The following ARHGEF5 variants were observed in gnomAD, a reference collection of about 807,000 sequenced individuals.
The protein encoded by ARHGEF5 is Rho guanine nucleotide exchange factor (GEF) 5.
In ARHGEF5, 11 loss-of-function variants were observed where a neutral mutation model predicts 104.0. The observed-to-expected ratio is 0.11, with a 90% CI of 0.07 to 0.18. The LOEUF is 0.18. Among genes scored for constraint, ARHGEF5 ranks in the 10% least tolerant of loss-of-function variants. The pLI is 1.00. For missense variants in ARHGEF5, 165 were observed against 1,335.4 expected (o/e 0.12, Z 13.66); for synonymous variants, 60 against 512.2 (o/e 0.12, Z 11.92).
Position 144,373,267 on chromosome 7 carries a change from A to G in ARHGEF5, c.4123A>G (p.Ile1375Val). The G allele has an allele frequency of 6.9e-7, 1 of 1,450,026 alleles. No individual in the cohort carries two copies. Among genetic ancestry groups the G allele is most frequent in the East Asian group, 2.4e-5 (1 of 42,180 alleles). The allele number at this position is 1,450,026 out of a possible 1,614,324, so 89.8% of individuals were successfully genotyped here. A position where few individuals can be genotyped will look rare whatever the true frequency, so the allele number is the denominator to read the frequency against. ...TEELIYLSQK[I>V]EFECKIFPLI... Reference sequence around the variant, plus strand: ...GGAACTAATCTACCTGAGCCAGAAGATTGAGTTTGAGTGCAAAGTGAGTCG... The same window carrying G: ...GGAACTAATCTACCTGAGCCAGAAGGTTGAGTTTGAGTGCAAAGTGAGTCG... The change falls in exon 10 of 15, where the codon ATT becomes GTT. Residue 1375 changes from isoleucine to valine, a missense_variant. By Grantham distance (29) the Ile-to-Val change is conservative. Coordinates refer to ENST00000056217, the MANE Select transcript of ARHGEF5 (RefSeq NM_005435.4).
Position 144,380,078 on chromosome 7 carries a change from G to A in ARHGEF5, c.*22G>A, listed in dbSNP as rs7806384. The A allele has an allele frequency of 6.9e-3, 11,189 of 1,613,502 alleles. 660 individuals carry two copies. The African/African-American group carries it at 0.13, about 18-fold the overall frequency. On this transcript the variant is annotated 3_prime_UTR_variant, in exon 15 of 15. Coordinates refer to ENST00000056217, the MANE Select transcript of ARHGEF5 (RefSeq NM_005435.4). ...CTAAGTCTTCTCTGAGAGGAGTTTC[G>A]TGAGCTGAAGAACAAGCTGCTCATG...
chr7:144,380,133 GAGGCCTTCTGTGGATGGAGAACT>G lies in ARHGEF5; in HGVS notation c.*87_*109del. The G allele has an allele frequency of 6.4e-7, 1 of 1,566,648 alleles. No individual in the cohort carries two copies. Among genetic ancestry groups the G allele is most frequent in the Non-Finnish European group, 8.7e-7 (1 of 1,145,768 alleles). ...GGGCTGGCCCCAGAACCCTGCAAGA[GAGGCCTTCTGTGGATGGAGAACT>G]AGGCCTTCTCAAAGCTCAAGGACAA... On this transcript the variant is annotated 3_prime_UTR_variant, in exon 15 of 15. Transcript: ENST00000056217.
intron 1 of ARHGEF5, among the ~76,000 whole-genome samples, chr7:144,358,799 G>GTGTGTGTT (rs1322663464): frequency 9.9e-5 from 13 of 131,254 alleles, no homozygotes; most frequent in African/African-American, 3.4e-4. Flanking sequence ...GTGTGTGTGT[G>GTGTGTGTT]TGTACACACA....
chr7:144,379,986 G>T lies in ARHGEF5; in HGVS notation c.4724G>T (p.Arg1575Leu). ...QVEFISNPEV[R>L]AQNLKEAHRV... ...GAGTTCATTTCCAACCCAGAGGTCC[G>T]TGCACAGAACCTGAAGGAAGCTCAT... Residue 1575 changes from arginine (R) to leucine (L), a missense_variant, in exon 15 of 15, where the codon CGT (arginine) becomes CTT (leucine). Arg to Leu is a moderately radical substitution (Grantham distance 102). Coordinates refer to ENST00000056217, the MANE Select transcript of ARHGEF5 (RefSeq NM_005435.4). The T allele has an allele frequency of 6.2e-7, 1 of 1,614,172 alleles. No homozygotes were observed. The highest frequency in any genetic ancestry group is 8.5e-7 in the Non-Finnish European group (1 of 1,180,034).
chr7:144,379,464 C>T (rs190750742), intron 14 of ARHGEF5, among the ~76,000 whole-genome samples: 7 of 152,284 alleles, frequency 4.6e-5, no homozygotes, highest in Non-Finnish European at 7.4e-5. Flanking sequence ...CCCACCTCGG[C>T]CTCCCAAAGT....
In ARHGEF5 at chr7:144,360,500, A is replaced by G. The variant is rs560072413; in HGVS notation, c.-12-2158A>G. Reference sequence around the variant, plus strand: ...ATGGCACATACATATTTAAAGAAGCATTTCATTATTTTTAATGACATGTAT... The same window carrying G: ...ATGGCACATACATATTTAAAGAAGCGTTTCATTATTTTTAATGACATGTAT... On this transcript the variant is annotated intron_variant, in intron 1 of 14. Transcript: ENST00000056217. Among the ~76,000 whole-genome samples the G allele has an allele frequency of 3.3e-4, 29 of 89,168 alleles. No individual in the cohort carries two copies. In the East Asian group the frequency reaches 7.7e-3, roughly 24 times the overall value. The allele number at this position is 89,168 out of a possible 152,430, so 58.5% of individuals were successfully genotyped here.
At chr7:144,378,965 G>T in intron 14 of ARHGEF5, 99 bp downstream of exon 14, 1 of 1,206,060 alleles carries the variant, frequency 8.3e-7, no homozygotes, top group South Asian at 1.3e-5. Context: ...AAGTACCATG[G>T]ACTGGGTGGC....
intron 13 of ARHGEF5, among the ~76,000 whole-genome samples, chr7:144,377,961 G>T (rs2053773318): frequency 6.6e-6 from 1 of 152,106 alleles, no homozygotes; most frequent in African/African-American, 2.4e-5. Flanking sequence ...TGGCAGATGG[G>T]GAGGATCTTG....
At chr7:144,379,805 C>T (rs780707092) in intron 14 of ARHGEF5, 94 bp from the exon 15 acceptor site, 32 of 1,513,486 alleles carry the variant, frequency 2.1e-5, no homozygotes, top group Non-Finnish European at 2.8e-5. Context: ...GTTCACTCAG[C>T]CTGAGGATTC....
Position 144,363,249 on chromosome 7 carries a change from A to G in ARHGEF5, c.580A>G (p.Asn194Asp), listed in dbSNP as rs2053657356. 7.5e-6 allele frequency: 12 copies of G among 1,592,146 alleles called. 2 individuals are homozygous for G. The highest frequency in any genetic ancestry group is 1.0e-5 in the Non-Finnish European group (12 of 1,163,890). Residue 194 changes from asparagine (N) to aspartate (D), a missense_variant, in exon 2 of 15, where the codon AAC becomes GAC. Physicochemically the swap from Asn to Asp is conservative, Grantham distance 23. Transcript: ENST00000056217. ...SPCEEHPAET[N>D]QNEGSESGTI... ...CTGCGAAGAGCATCCTGCAGAGACC[A>G]ACCAGAATGAAGGCTCTGAAAGTGG...
intron 1 of ARHGEF5, among the ~76,000 whole-genome samples, chr7:144,358,515 G>C (rs541710835): frequency 2.0e-4 from 5 of 25,474 alleles, no homozygotes; most frequent in African/African-American, 7.4e-4. Flanking sequence ...AGGGATTATA[G>C]TATTTTGTAC....
intron 13 of ARHGEF5, among the ~76,000 whole-genome samples, chr7:144,378,121 G>A (rs2053774485): frequency 6.6e-6 from 1 of 152,162 alleles, no homozygotes; most frequent in Non-Finnish European, 1.5e-5. Flanking sequence ...CAGATCTATG[G>A]ACATGTCTCC....
Position 144,363,202 on chromosome 7 carries a change from G to C in ARHGEF5, c.533G>C (p.Gly178Ala). The C allele has an allele frequency of 6.3e-7, 1 of 1,589,566 alleles. No individual in the cohort carries two copies. The highest frequency in any genetic ancestry group is 8.6e-7 in the Non-Finnish European group (1 of 1,162,362). Residue 178 changes from glycine (G) to alanine (A), a missense_variant, in exon 2 of 15, where the codon GGT (glycine) becomes GCT (alanine). Coordinates refer to ENST00000056217, the MANE Select transcript of ARHGEF5 (RefSeq NM_005435.4). The part of the protein sequence containing the change: ...EEEETSSDNS[G>A]QTRYYSPCEE... ...GAGGAAACCTCTTCAGATAACTCTG[G>C]TCAGACCAGATATTATTCTCCCTGC... is the stretch of plus-strand genomic sequence containing the variant.
Position 144,363,255 on chromosome 7 carries a change from A to C in ARHGEF5, c.586A>C (p.Asn196His). The change falls in exon 2 of 15, where the codon AAT (asparagine) becomes CAT (histidine). Residue 196 changes from asparagine to histidine, a missense_variant. Coordinates refer to ENST00000056217, the MANE Select transcript of ARHGEF5 (RefSeq NM_005435.4). ...AGAGCATCCTGCAGAGACCAACCAGAATGAAGGCTCTGAAAGTGGGACTAT... is the reference window on the plus strand; with the variant it reads ...AGAGCATCCTGCAGAGACCAACCAGCATGAAGGCTCTGAAAGTGGGACTAT... The part of the protein sequence containing the change: ...CEEHPAETNQ[N>H]EGSESGTIRQ... 6.3e-7 allele frequency: 1 copy of C among 1,592,166 alleles called. No individual in the cohort carries two copies. Among genetic ancestry groups the C allele is most frequent in the Non-Finnish European group, 8.6e-7 (1 of 1,163,904 alleles).
At chr7:144,378,204 A>T (rs148815352) in intron 13 of ARHGEF5, among the ~76,000 whole-genome samples, 1 of 152,330 alleles carries the variant, frequency 6.6e-6, no homozygotes, top group East Asian at 1.9e-4. Context: ...TTGATCAATA[A>T]CCATCTTGAT....
intron 13 of ARHGEF5, among the ~76,000 whole-genome samples, chr7:144,377,850 C>G (rs767885741): frequency 6.6e-6 from 1 of 152,020 alleles, no homozygotes; most frequent in Non-Finnish European, 1.5e-5. Context: ...AGTAACTGAA[C>G]GCTGTTAACT....
At position 144,380,239 on chromosome 7, in the gene ARHGEF5, G is replaced by T; in HGVS notation, c.*183G>T. On this transcript the variant is annotated 3_prime_UTR_variant, in exon 15 of 15. Transcript: ENST00000056217. ...TCCTTTCGTGCTTTGTGCTTGGTGG[G>T]GGGGATTTCGAGGGACTTTGCACTG... The T allele has an allele frequency of 1.4e-6, 1 of 706,154 alleles. No individual in the cohort carries two copies. Among genetic ancestry groups the T allele is most frequent in the Non-Finnish European group, 2.3e-6 (1 of 444,340 alleles). The allele number at this position is 706,154 out of a possible 1,614,324, so 43.7% of individuals were successfully genotyped here. A position where few individuals can be genotyped will look rare whatever the true frequency, so the allele number is the denominator to read the frequency against.
In ARHGEF5 at chr7:144,365,094, TACA is replaced by T; in HGVS notation, c.2430_2432del (p.Asn810del). 1.5e-6 allele frequency: 2 copies of T among 1,337,528 alleles called. No homozygotes were observed. Among genetic ancestry groups the T allele is most frequent in the Non-Finnish European group, 2.1e-6 (2 of 970,608 alleles). The allele number at this position is 1,337,528 out of a possible 1,614,324, so 82.9% of individuals were successfully genotyped here. ...TGCTCAGGCCACCCCCAGGTGGAGA[TACA>T]ACAAGCCGCTACCCCCTACCCCTGA... is the stretch of plus-strand genomic sequence containing the variant. On this transcript the variant is annotated inframe_deletion, in exon 2 of 15. Coordinates refer to ENST00000056217, the MANE Select transcript of ARHGEF5 (RefSeq NM_005435.4).
chr7:144,378,496 T>C (rs2053777192), intron 13 of ARHGEF5, among the ~76,000 whole-genome samples: 1 of 152,142 alleles, frequency 6.6e-6, no homozygotes, highest in African/African-American at 2.4e-5. Flanking sequence ...GGAAGATGGG[T>C]CATTAGCTGG....
Sources: allele counts gnomAD v4.1 joint callset (sites outside exome capture counted in the v4.1 genomes callset), GRCh38; gene constraint gnomAD v4.1.1; transcripts MANE v1.5; gene names NCBI Gene and HGNC (gene_info 2026-07-23, HGNC 2026-07-21).